The following SMARCA2 variants were observed in gnomAD, a reference collection of about 807,000 sequenced individuals.
SMARCA2 encodes SWI/SNF related BAF chromatin remodeling complex subunit ATPase 2, also known as SWI/SNF-related matrix-associated actin-dependent regulator of chromatin subfamily A member 2.
In SMARCA2, 61 loss-of-function variants were observed where a neutral mutation model predicts 199.8. The ratio of observed to expected loss-of-function variants is 0.31; its 90% CI spans 0.25 to 0.38. The LOEUF is 0.38. Among genes scored for constraint, SMARCA2 ranks in the 10% least tolerant of loss-of-function variants. The pLI is 1.00. For synonymous variants in SMARCA2, 935 were observed against 732.0 expected (o/e 1.28, Z -4.48); for missense variants, 1,344 against 2,012.2 (o/e 0.67, Z 6.35).
chr9:2,159,661 C>G, intron 27 of SMARCA2: 1 of 874,254 alleles, frequency 1.1e-6, no homozygotes, highest in East Asian at 2.7e-5. Flanking sequence ...TTAAAACAGG[C>G]TGAAGGAGGA....
intron 21 of SMARCA2, among the ~76,000 whole-genome samples, chr9:2,099,581 T>C (rs1336817732): frequency 1.3e-5 from 2 of 152,118 alleles, no homozygotes; most frequent in African/African-American, 2.4e-5. Flanking sequence ...TACCTACATA[T>C]TGACATTTTA....
intron 28 of SMARCA2, among the ~76,000 whole-genome samples, chr9:2,164,523 A>G (rs1392200149): frequency 6.6e-6 from 1 of 152,102 alleles, no homozygotes. Context: ...ATTTAATGTA[A>G]CTCAGGTTCT....
At chr9:2,168,094 A>G (rs1457487538) in intron 28 of SMARCA2, among the ~76,000 whole-genome samples, 2 of 149,290 alleles carry the variant, frequency 1.3e-5, no homozygotes, top group Admixed American at 6.7e-5. Flanking sequence ...CAGTGGCAAC[A>G]TCTGCCTCCC....
chr9:2,022,442 A>G lies in SMARCA2; in HGVS notation c.-36-6545A>G, dbSNP rs142661012. 3.3e-3 allele frequency among the ~76,000 whole-genome samples: 501 copies of G among 152,368 alleles called. 2 individuals carry two copies. The highest frequency in any genetic ancestry group is 0.011 in the African/African-American group (474 of 41,584). ...CATTTGTTGATTTTTTAAAAGGCAT[A>G]GTAACATCATTAATGGCTATTATCC... On this transcript the variant is annotated intron_variant, in intron 1 of 33. Coordinates refer to ENST00000349721, the MANE Select transcript of SMARCA2 (RefSeq NM_003070.5).
intron 29 of SMARCA2, among the ~76,000 whole-genome samples, chr9:2,176,182 G>GTTTTTTTTTTTTTTTTTTTTTTTTTCT (rs56186732): frequency 9.6e-6 from 1 of 104,160 alleles, no homozygotes; most frequent in African/African-American, 3.7e-5. Context: ...CGCCCGGCCT[G>GTTTTTTTTTTTTTTTTTTTTTTTTTCT]TTTTTTTTTT....
chr9:2,168,940 A>T (rs1826082673), intron 28 of SMARCA2, among the ~76,000 whole-genome samples: 1 of 152,160 alleles, frequency 6.6e-6, no homozygotes, highest in African/African-American at 2.4e-5. Flanking sequence ...TACTCTGTAA[A>T]GCGTTCTAAG....
At chr9:2,132,961 T>A (rs189317119) in intron 27 of SMARCA2, among the ~76,000 whole-genome samples, 2 of 152,184 alleles carry the variant, frequency 1.3e-5, no homozygotes, top group African/African-American at 4.8e-5. Context: ...TCCTCAGAGG[T>A]CTGACGGAAA....
chr9:2,181,101 C>G (rs1826988960), intron 29 of SMARCA2: 1 of 153,810 alleles, frequency 6.5e-6, no homozygotes, highest in Non-Finnish European at 1.4e-5. Flanking sequence ...AGAGTATATT[C>G]TAACATATTA....
chr9:2,192,608 C>A (rs1242333033), intron 33 of SMARCA2, 96 bp from the exon 34 acceptor site: 1 of 875,234 alleles, frequency 1.1e-6, no homozygotes, highest in South Asian at 1.3e-5. Context: ...TCCAAAATGT[C>A]ATTTTTTCCT....
chr9:2,103,073 C>T (rs985339164), intron 22 of SMARCA2, among the ~76,000 whole-genome samples: 2 of 152,030 alleles, frequency 1.3e-5, no homozygotes, highest in Admixed American at 6.6e-5. Flanking sequence ...CCAGTGCCCC[C>T]GTTCTTCACC....
chr9:2,135,237 T>G (rs900665174), intron 27 of SMARCA2, among the ~76,000 whole-genome samples: 3 of 152,120 alleles, frequency 2.0e-5, no homozygotes, highest in Non-Finnish European at 4.4e-5. Flanking sequence ...AAAGAAGGAA[T>G]TCCCCTTTCC....
At chr9:2,185,001 G>A (rs1827335198) in intron 31 of SMARCA2, among the ~76,000 whole-genome samples, 1 of 152,162 alleles carries the variant, frequency 6.6e-6, no homozygotes, top group Non-Finnish European at 1.5e-5. Context: ...AAGAGCAGGG[G>A]TTGTTTTATT....
At position 2,110,189 on chromosome 9, in the gene SMARCA2, T is replaced by A; in HGVS notation, c.3293-65T>A. 2 of 1,324,928 alleles carry A rather than the reference T, an allele frequency of 1.5e-6. No individual in the cohort carries two copies. 82.1% of individuals were successfully genotyped at this position (1,324,928 alleles called of 1,614,324 possible). A position where few individuals can be genotyped will look rare whatever the true frequency, so the allele number is the denominator to read the frequency against. On this transcript the variant is annotated intron_variant, in intron 23 of 33. Coordinates refer to ENST00000349721, the MANE Select transcript of SMARCA2 (RefSeq NM_003070.5). This position sits in a 1 kb window ranked among gnomAD's most constrained non-coding sequence, Gnocchi z 4.8. ...ATTTCTTGAAGGAAGCAAGCCTTTT[T>A]GTCTCATTCTGTGCCATTTTCAGAC... is the stretch of plus-strand genomic sequence containing the variant.
intron 27 of SMARCA2, among the ~76,000 whole-genome samples, chr9:2,134,356 T>A (rs183961403): frequency 2.0e-5 from 3 of 152,340 alleles, no homozygotes; most frequent in Admixed American, 6.5e-5. Flanking sequence ...CCCTGGTTTT[T>A]ACCTAGGTGC....
chr9:2,134,804 C>A (rs1824123411), intron 27 of SMARCA2, among the ~76,000 whole-genome samples: 1 of 151,922 alleles, frequency 6.6e-6, no homozygotes, highest in South Asian at 2.1e-4. Flanking sequence ...TAAAGGGGAC[C>A]CTAGAGAGCC....
In SMARCA2 at chr9:2,101,621, A is replaced by G. The variant is rs761119921; in HGVS notation, c.3125+5A>G. The G allele has an allele frequency of 5.3e-6, 8 of 1,518,784 alleles. No individual in the cohort carries two copies. Among genetic ancestry groups the G allele is most frequent in the Non-Finnish European group, 7.3e-6 (8 of 1,102,976 alleles). 94.1% of individuals were successfully genotyped at this position (1,518,784 alleles called of 1,614,324 possible). On this transcript the variant is annotated splice_donor_5th_base_variant and intron_variant, in intron 22 of 33. Coordinates refer to ENST00000349721, the MANE Select transcript of SMARCA2 (RefSeq NM_003070.5). Reference sequence around the variant, plus strand: ...TTCAAATGGGGTCATCAATGGGTAAATCTCAAATTTTTTTTTCTTTTAAAA... The same window carrying G: ...TTCAAATGGGGTCATCAATGGGTAAGTCTCAAATTTTTTTTTCTTTTAAAA...
At chr9:2,108,697 GAGA>G (rs1822863893) in intron 23 of SMARCA2, among the ~76,000 whole-genome samples, 1 of 152,196 alleles carries the variant, frequency 6.6e-6, no homozygotes. Flanking sequence ...AAAGATGATA[GAGA>G]AGGTTTCACA....
intron 1 of SMARCA2, among the ~76,000 whole-genome samples, chr9:2,019,654 C>T (rs1050065780): frequency 2.6e-5 from 4 of 152,078 alleles, no homozygotes; most frequent in Non-Finnish European, 5.9e-5. Flanking sequence ...AATCATTCTA[C>T]AGGCCAGTAT....
chr9:2,032,675 G>C (rs1383929623), intron 2 of SMARCA2: 1 of 263,776 alleles, frequency 3.8e-6, no homozygotes, highest in African/African-American at 2.2e-5. Context: ...TGTCTACCTT[G>C]TGACCAGGAC....
Sources: gnomAD v4.1 joint callset for allele counts (sites outside exome capture counted in the v4.1 genomes callset) on GRCh38, gnomAD v4.1.1 for gene constraint, Gnocchi (gnomAD v3.1) non-coding constraint, MANE v1.5 for transcripts, NCBI Gene and HGNC (gene_info 2026-07-23, HGNC 2026-07-21) for gene names.